Variants in CFAP299 observed in about 807,000 individuals in gnomAD.
The protein encoded by CFAP299 is cilia- and flagella-associated protein 299.
In CFAP299, 21 loss-of-function variants were observed where a neutral mutation model predicts 27.0. That is an observed-to-expected ratio of 0.78 (90% CI 0.55 to 1.12). CFAP299 has a LOEUF of 1.12. Among genes scored for constraint, CFAP299 ranks in the 50% most tolerant of loss-of-function variants. The pLI is 0.00. For synonymous variants in CFAP299, 104 were observed against 98.1 expected (o/e 1.06, Z -0.36); for missense variants, 310 against 276.6 (o/e 1.12, Z -0.86).
At chr4:80,706,276 C>T (rs546824922) in intron 3 of CFAP299, among the ~76,000 whole-genome samples, 6 of 151,220 alleles carry the variant, frequency 4.0e-5, no homozygotes, top group East Asian at 1.9e-4. Flanking sequence ...CCCTAAACAT[C>T]GAAAGTTTTA....
chr4:80,875,326 C>A (rs1301796291), intron 4 of CFAP299, among the ~76,000 whole-genome samples: 1 of 152,120 alleles, frequency 6.6e-6, no homozygotes, highest in Non-Finnish European at 1.5e-5. Context: ...AAAAAATTTC[C>A]CACAAAATAT....
chr4:80,546,284 G>A (rs567478275), intron 2 of CFAP299, among the ~76,000 whole-genome samples: 4 of 151,772 alleles, frequency 2.6e-5, no homozygotes, highest in African/African-American at 9.7e-5. Context: ...GAAGTTTCAG[G>A]GTACAAAATC....
chr4:80,600,064 A>G (rs1737252991), intron 3 of CFAP299, among the ~76,000 whole-genome samples: 1 of 152,102 alleles, frequency 6.6e-6, no homozygotes, highest in South Asian at 2.1e-4. Flanking sequence ...AGTTTAACAT[A>G]TATGTTCTAC....
At chr4:80,478,752 T>G (rs547815234) in intron 2 of CFAP299, among the ~76,000 whole-genome samples, 9 of 151,978 alleles carry the variant, frequency 5.9e-5, no homozygotes, top group African/African-American at 2.2e-4. Flanking sequence ...TAAAATACTT[T>G]GCTGTGAAAG....
Position 80,340,052 on chromosome 4 carries a change from G to A in CFAP299, c.111+4173G>A, listed in dbSNP as rs369375665. The stretch of plus-strand genomic sequence containing the variant: ...GGGGAGGGGCCAAGATGGCTGACTA[G>A]AAGCAACTGCAGTCCATGGCTGTCA... On this transcript the variant is annotated intron_variant, in intron 1 of 5. Transcript: ENST00000358105. 2.6e-4 allele frequency among the ~76,000 whole-genome samples: 39 copies of A among 152,288 alleles called. No individual in the cohort carries two copies. The South Asian group carries it at 7.9e-3, about 31-fold the overall frequency.
intron 4 of CFAP299, among the ~76,000 whole-genome samples, chr4:80,908,105 A>G (rs1372033829): frequency 6.6e-6 from 1 of 152,194 alleles, no homozygotes; most frequent in African/African-American, 2.4e-5. Context: ...GGGAACCTGA[A>G]GTGTCTTGTT....
chr4:80,807,914 T>G (rs979717910), intron 3 of CFAP299, among the ~76,000 whole-genome samples: 4 of 152,064 alleles, frequency 2.6e-5, no homozygotes, highest in African/African-American at 9.7e-5. Context: ...TTGCTTGCAC[T>G]GTTTTATTTC....
intron 2 of CFAP299, among the ~76,000 whole-genome samples, chr4:80,492,616 C>G (rs1386280060): frequency 2.0e-5 from 3 of 152,094 alleles, no homozygotes; most frequent in Admixed American, 1.3e-4. Context: ...CTAGAATTTT[C>G]AAGACACATT....
chr4:80,795,102 A>T (rs907518846), intron 3 of CFAP299, among the ~76,000 whole-genome samples: 1 of 152,148 alleles, frequency 6.6e-6, no homozygotes, highest in African/African-American at 2.4e-5. Flanking sequence ...TATTCACTAG[A>T]TTATTAAAAT....
intron 1 of CFAP299, among the ~76,000 whole-genome samples, chr4:80,345,688 T>G (rs1473239214): frequency 2.6e-5 from 4 of 152,208 alleles, no homozygotes; most frequent in Admixed American, 6.5e-5. Flanking sequence ...TGGACATTTA[T>G]GTTGGTTTCA....
chr4:80,532,366 A>T (rs1733521697), intron 2 of CFAP299, among the ~76,000 whole-genome samples: 1 of 152,206 alleles, frequency 6.6e-6, no homozygotes, highest in South Asian at 2.1e-4. Context: ...TGATATTAAA[A>T]AGTGGGAAGT....
intron 4 of CFAP299, among the ~76,000 whole-genome samples, chr4:80,926,130 A>C (rs571626965): frequency 1.3e-5 from 2 of 152,208 alleles, no homozygotes; most frequent in African/African-American, 4.8e-5. Flanking sequence ...CAAAGAAAAC[A>C]GTATGCTCCC....
At chr4:80,480,233 G>T (rs756711889) in intron 2 of CFAP299, among the ~76,000 whole-genome samples, 2 of 151,658 alleles carry the variant, frequency 1.3e-5, no homozygotes, top group Non-Finnish European at 2.9e-5. Flanking sequence ...GCTTGTTATT[G>T]TTTATGGTGT....
intron 3 of CFAP299, among the ~76,000 whole-genome samples, chr4:80,682,387 G>A (rs1023505052): frequency 1.3e-5 from 2 of 151,936 alleles, no homozygotes; most frequent in Non-Finnish European, 2.9e-5. Flanking sequence ...TTGTTTGGGG[G>A]AAAGGGAAAA....
chr4:80,865,650 T>A (rs1407853889), intron 3 of CFAP299, among the ~76,000 whole-genome samples: 1 of 152,116 alleles, frequency 6.6e-6, no homozygotes, highest in Non-Finnish European at 1.5e-5. Context: ...GCAAACTTTT[T>A]AAAAATTTCA....
chr4:80,555,097 TCCAGCA>T (rs1734721007), intron 2 of CFAP299, among the ~76,000 whole-genome samples: 1 of 152,174 alleles, frequency 6.6e-6, no homozygotes, highest in South Asian at 2.1e-4. Context: ...GAGAAATGCT[TCCAGCA>T]TTTGCCCATT....
chr4:80,631,873 C>CCACA (rs1553942305), intron 3 of CFAP299, among the ~76,000 whole-genome samples: 1 of 122,436 alleles, frequency 8.2e-6, no homozygotes, highest in African/African-American at 3.0e-5. Context: ...CACCCCCCCC[C>CCACA]AACCAAATTC....
chr4:80,567,269 G>A (rs906843259), intron 2 of CFAP299, among the ~76,000 whole-genome samples: 2 of 151,922 alleles, frequency 1.3e-5, no homozygotes, highest in African/African-American at 2.4e-5. Context: ...AAAAAAGACG[G>A]GGAAAGTGAT....
intron 5 of CFAP299, among the ~76,000 whole-genome samples, chr4:80,947,377 G>C (rs1031165155): frequency 1.3e-5 from 2 of 152,124 alleles, no homozygotes; most frequent in African/African-American, 4.8e-5. Flanking sequence ...CTTATGAAAA[G>C]AAATGTTGGT....
Sources: gnomAD v4.1 joint callset for allele counts (sites outside exome capture counted in the v4.1 genomes callset) on GRCh38, gnomAD v4.1.1 for gene constraint, MANE v1.5 for transcripts, NCBI Gene and HGNC (gene_info 2026-07-23, HGNC 2026-07-21) for gene names.